The following CFAP54 variants were observed in gnomAD, a reference collection of about 807,000 sequenced individuals.
The protein encoded by CFAP54 is cilia and flagella associated protein 54, also known as cilia- and flagella-associated protein 54.
In CFAP54, 290 loss-of-function variants were observed where a neutral mutation model predicts 370.4. The ratio of observed to expected loss-of-function variants is 0.78; its 90% CI spans 0.71 to 0.86. The LOEUF (loss-of-function observed/expected upper bound fraction) is 0.86. Among genes scored for constraint, CFAP54 ranks in the 40% least tolerant of loss-of-function variants. CFAP54 has a pLI of 0.00. For synonymous variants in CFAP54, 1,206 were observed against 1,236.5 expected (o/e 0.98, Z 0.52); for missense variants, 3,399 against 3,528.7 (o/e 0.96, Z 0.93).
intron 60 of CFAP54, among the ~76,000 whole-genome samples, chr12:96,775,157 C>T (rs112814051): frequency 0.031 from 4,732 of 152,150 alleles, 237 homozygotes; most frequent in African/African-American, 0.1. Flanking sequence ...GGGCCGGGCG[C>T]GGTGACTCAC....
chr12:96,566,868 A>G (rs1168374758), intron 19 of CFAP54, among the ~76,000 whole-genome samples: 1 of 152,218 alleles, frequency 6.6e-6, no homozygotes, highest in Admixed American at 6.5e-5. Flanking sequence ...TATTTATTCA[A>G]CAAATATTGA....
At chr12:96,832,075 C>T (rs551722456) in intron 66 of CFAP54, among the ~76,000 whole-genome samples, 2 of 152,046 alleles carry the variant, frequency 1.3e-5, no homozygotes, top group African/African-American at 4.8e-5. Context: ...CAGTTCTTTC[C>T]CATGCTGTTC....
In CFAP54 at chr12:96,648,887, C is replaced by T. The variant is rs367860640; in HGVS notation, c.4690+870C>T. On this transcript the variant is annotated intron_variant, in intron 34 of 67. Transcript: ENST00000524981. ...ACAGGCGTGAGCCACTGCGCCCGGC[C>T]GAAAACAGGGTTCTTGATCAGGGTG... 3.3e-5 allele frequency among the ~76,000 whole-genome samples: 5 copies of T among 152,028 alleles called. No homozygotes were observed. The East Asian group carries it at 7.7e-4, about 23-fold the overall frequency.
At chr12:96,780,320 T>C (rs1245743307) in intron 60 of CFAP54, among the ~76,000 whole-genome samples, 1 of 152,190 alleles carries the variant, frequency 6.6e-6, no homozygotes, top group Admixed American at 6.6e-5. Context: ...CAGTTAGATC[T>C]ACAGTTCACC....
Position 96,765,194 on chromosome 12 carries a change from T to C in CFAP54, c.8257T>C (p.Ser2753Pro). Residue 2753 changes from serine to proline, a missense_variant, in exon 60 of 68, where the codon TCT (serine) becomes CCT (proline). By Grantham distance (74) the Ser-to-Pro change is moderately conservative (BLOSUM62 -1). Transcript: ENST00000524981. ...AGAATTTGCTGCTCTGGATCTTTTG[T>C]CTTCGTATACAGATTATTTGCTTGG... ...IPEFAALDLL[S>P]SYTDYLLDNY... The C allele has an allele frequency of 6.5e-7, 1 of 1,537,112 alleles. No individual in the cohort carries two copies. The highest frequency in any genetic ancestry group is 8.9e-7 in the Non-Finnish European group (1 of 1,128,196).
chr12:96,874,433 TGAGTTTTGTAAG>T (rs1304882667), intron 67 of CFAP54, among the ~76,000 whole-genome samples: 1 of 151,986 alleles, frequency 6.6e-6, no homozygotes, highest in African/African-American at 2.4e-5. Context: ...GGCACAACAG[TGAGTTTTGTAAG>T]GTAGGAACAA....
chr12:96,601,688 G>T (rs1956244458), intron 26 of CFAP54, among the ~76,000 whole-genome samples: 1 of 152,012 alleles, frequency 6.6e-6, no homozygotes, highest in Non-Finnish European at 1.5e-5. Flanking sequence ...GTCCTGAGAG[G>T]GTGTATGTGT....
At chr12:96,822,598 G>T (rs1959045641) in intron 65 of CFAP54, among the ~76,000 whole-genome samples, 2 of 152,090 alleles carry the variant, frequency 1.3e-5, no homozygotes, top group Admixed American at 1.3e-4. Flanking sequence ...TACGAGTATG[G>T]CCATAGGTAC....
intron 48 of CFAP54, among the ~76,000 whole-genome samples, chr12:96,709,418 G>A (rs746428156): frequency 4.4e-4 from 67 of 152,154 alleles, no homozygotes; most frequent in Admixed American, 9.2e-4. Context: ...TGTATTAGAT[G>A]TTGCCTTAAA....
intron 67 of CFAP54, among the ~76,000 whole-genome samples, chr12:96,863,456 G>A (rs374521823): frequency 2.0e-5 from 3 of 152,164 alleles, no homozygotes; most frequent in African/African-American, 4.8e-5. Flanking sequence ...AAATAACTTG[G>A]CTAACAATCA....
chr12:96,594,212 T>C (rs1210204435), intron 24 of CFAP54, 79 bp from the exon 25 acceptor site: 17 of 1,028,970 alleles, frequency 1.7e-5, no homozygotes, highest in Non-Finnish European at 2.2e-5. Context: ...AAGGATCACA[T>C]TTTCTACCCA....
intron 67 of CFAP54, among the ~76,000 whole-genome samples, chr12:96,866,366 G>A (rs1252233688): frequency 1.3e-5 from 2 of 152,166 alleles, no homozygotes. Context: ...TTTTTACAAC[G>A]AGTAATAATT....
At chr12:96,586,308 C>T (rs1956075860) in intron 22 of CFAP54, among the ~76,000 whole-genome samples, 1 of 151,848 alleles carries the variant, frequency 6.6e-6, no homozygotes, top group African/African-American at 2.4e-5. Context: ...TTCTAAGCAA[C>T]GTGAACAGAA....
At chr12:96,828,081 A>G (rs1321984546) in intron 65 of CFAP54, among the ~76,000 whole-genome samples, 2 of 131,276 alleles carry the variant, frequency 1.5e-5, no homozygotes, top group Non-Finnish European at 3.1e-5. Flanking sequence ...ATTATATATT[A>G]TATATATTAT....
At position 96,587,823 on chromosome 12, in the gene CFAP54, C is replaced by T. The variant is rs145135969; in HGVS notation, c.3076-1604C>T. 2.0e-4 allele frequency among the ~76,000 whole-genome samples: 31 copies of T among 152,074 alleles called. No homozygotes were observed. In the East Asian group the frequency reaches 5.8e-3, roughly 28 times the overall value. ...TTATATGTATTTATATTTCAGTGAC[C>T]ACTTAGTACAGTTGAGTCATTTGAT... On this transcript the variant is annotated intron_variant, in intron 22 of 67. Transcript: ENST00000524981.
At chr12:96,539,503 C>T (rs1440606065) in intron 13 of CFAP54, among the ~76,000 whole-genome samples, 4 of 151,636 alleles carry the variant, frequency 2.6e-5, no homozygotes, top group Non-Finnish European at 4.4e-5. Flanking sequence ...GTGAAAACCC[C>T]GTCTCTACTA....
chr12:96,693,400 T>C (rs181472314), intron 44 of CFAP54, among the ~76,000 whole-genome samples: 2 of 152,330 alleles, frequency 1.3e-5, no homozygotes, highest in Non-Finnish European at 2.9e-5. Flanking sequence ...CATATATTTA[T>C]GTTGAGTTAA....
Position 96,538,547 on chromosome 12 carries a change from T to A in CFAP54, c.1926+29T>A, listed in dbSNP as rs1420701584. 2.6e-6 allele frequency: 4 copies of A among 1,516,308 alleles called. No individual in the cohort carries two copies. The African/African-American group carries it at 5.5e-5, about 21-fold the overall frequency. The allele number at this position is 1,516,308 out of a possible 1,614,324, so 93.9% of individuals were successfully genotyped here. A position where few individuals can be genotyped will look rare whatever the true frequency, so the allele number is the denominator to read the frequency against. Reference sequence around the variant, plus strand: ...TTCCTTTCGCATTCCCTTTCACGTGTTTTTTTTGCTATTGCTTATTCAAGT... The same window carrying A: ...TTCCTTTCGCATTCCCTTTCACGTGATTTTTTTGCTATTGCTTATTCAAGT... On this transcript the variant is annotated intron_variant, in intron 13 of 67. Coordinates refer to ENST00000524981, the MANE Select transcript of CFAP54 (RefSeq NM_001306084.2).
chr12:96,799,096 C>G (rs910289445), intron 63 of CFAP54, among the ~76,000 whole-genome samples: 2 of 151,972 alleles, frequency 1.3e-5, no homozygotes, highest in Admixed American at 1.3e-4. Context: ...TGCAATAGGG[C>G]TAATTGGAGG....
Sources: allele counts gnomAD v4.1 joint callset (sites outside exome capture counted in the v4.1 genomes callset), GRCh38; gene constraint gnomAD v4.1.1; transcripts MANE v1.5; gene names NCBI Gene and HGNC (gene_info 2026-07-23, HGNC 2026-07-21).